SLC1A2: variants seen among roughly 807,000 people sequenced by gnomAD.
The protein encoded by SLC1A2 is solute carrier family 1 member 2.
A neutral mutation model predicts 48.8 loss-of-function variants in SLC1A2; 15 were observed. The ratio of observed to expected loss-of-function variants is 0.31; its 90% CI spans 0.21 to 0.47. The LOEUF (loss-of-function observed/expected upper bound fraction) is 0.47. Ranked by LOEUF, SLC1A2 falls within the 20% of genes least tolerant of loss-of-function variation. SLC1A2 has a pLI of 0.99. For missense variants in SLC1A2, 502 were observed against 730.5 expected, an observed-to-expected ratio of 0.69 and a Z score of 3.61; for synonymous variants, 279 against 272.6, an observed-to-expected ratio of 1.02 and a Z score of -0.23.
intron 1 of SLC1A2, among the ~76,000 whole-genome samples, chr11:35,343,234 T>G (rs895340575): frequency 1.3e-5 from 2 of 152,358 alleles, no homozygotes. Context: ...AAAAACAGGA[T>G]GTGGGACAAG....
intron 1 of SLC1A2, among the ~76,000 whole-genome samples, chr11:35,400,071 G>A (rs1855090401): frequency 1.3e-5 from 2 of 152,166 alleles, no homozygotes; most frequent in Admixed American, 1.3e-4. Context: ...AAAGACAACT[G>A]CATTGGAGAA....
At chr11:35,308,962 C>T (rs975806475) in intron 4 of SLC1A2, among the ~76,000 whole-genome samples, 3 of 152,186 alleles carry the variant, frequency 2.0e-5, no homozygotes, top group African/African-American at 2.4e-5. Context: ...AGTTTACCTT[C>T]CTCCACTCAC....
chr11:35,288,350 CAT>C (rs1850892158), intron 7 of SLC1A2, among the ~76,000 whole-genome samples: 1 of 152,178 alleles, frequency 6.6e-6, no homozygotes, highest in South Asian at 2.1e-4. Context: ...GGGGACATCT[CAT>C]AACTAAAATC....
rs756472380 is a variant in SLC1A2, at chr11:35,252,748, A to G, written c.*8146T>C. On this transcript the variant is annotated 3_prime_UTR_variant, in exon 11 of 11. Coordinates refer to ENST00000278379, the MANE Select transcript of SLC1A2 (RefSeq NM_004171.4). Reference sequence around the variant, plus strand: ...TACTGCATTTAGATGAATAGCCAAAAATAACATATACATTTAAATTACAAT... The same window carrying G: ...TACTGCATTTAGATGAATAGCCAAAGATAACATATACATTTAAATTACAAT... 2.0e-5 allele frequency: 3 copies of G among 152,648 alleles called. No homozygotes were observed. The highest frequency in any genetic ancestry group is 4.4e-5 in the Non-Finnish European group (3 of 68,034). The allele number at this position is 152,648 out of a possible 1,614,324, so 9.5% of individuals were successfully genotyped here.
intron 9 of SLC1A2, among the ~76,000 whole-genome samples, chr11:35,278,001 C>G (rs1850496692): frequency 6.6e-6 from 1 of 152,168 alleles, no homozygotes; most frequent in African/African-American, 2.4e-5. Flanking sequence ...CTTGTCTGAA[C>G]AGATGTCATG....
chr11:35,402,223 C>T (rs1400568034), intron 1 of SLC1A2, among the ~76,000 whole-genome samples: 1 of 152,094 alleles, frequency 6.6e-6, no homozygotes, highest in Non-Finnish European at 1.5e-5. Context: ...GACTGCTCAC[C>T]AGAAAGACTA....
At chr11:35,363,119 C>A (rs577836619) in intron 1 of SLC1A2, among the ~76,000 whole-genome samples, 41 of 152,278 alleles carry the variant, frequency 2.7e-4, no homozygotes, top group Admixed American at 2.5e-3. Flanking sequence ...TATTGCACAC[C>A]CTGCCTCTCA....
chr11:35,271,829 C>T (rs532639607), intron 9 of SLC1A2, among the ~76,000 whole-genome samples: 3 of 152,142 alleles, frequency 2.0e-5, no homozygotes, highest in South Asian at 2.1e-4. Flanking sequence ...GGCAACAGAG[C>T]GAGACTCCAT....
chr11:35,265,544 T>C lies in SLC1A2; in HGVS notation c.1636A>G (p.Ile546Val), dbSNP rs776242703. Residue 546 changes from isoleucine (I) to valine (V), a missense_variant, in exon 10 of 11, where the codon ATA becomes GTA. Ile to Val is a conservative substitution (Grantham distance 29). Around this residue, in one of 4 missense-constraint regions of SLC1A2, gnomAD observed 102 missense variants for 107.2 expected, o/e 0.95. Transcript: ENST00000278379. ...AAATGTACCTTGCATTCATCTACTATGACAGAGTTGTGTGCAGCATAGACA... is the reference window on the plus strand; with the variant it reads ...AAATGTACCTTGCATTCATCTACTACGACAGAGTTGTGTGCAGCATAGACA... ...QCVYAAHNSV[I>V]VDECKVTLAA... 6.3e-7 allele frequency: 1 copy of C among 1,584,048 alleles called. No homozygotes were observed. Among genetic ancestry groups the C allele is most frequent in the South Asian group, 1.1e-5 (1 of 90,444 alleles).
At chr11:35,324,263 T>C (rs1852167621) in intron 1 of SLC1A2, among the ~76,000 whole-genome samples, 1 of 152,138 alleles carries the variant, frequency 6.6e-6, no homozygotes, top group African/African-American at 2.4e-5. Context: ...AAAGTTGTAT[T>C]TGTTTGGCTC....
At position 35,284,320 on chromosome 11, in the gene SLC1A2, G is replaced by A. The variant is rs546382640; in HGVS notation, c.1286+2437C>T. Among the ~76,000 whole-genome samples the A allele has an allele frequency of 3.3e-5, 5 of 152,038 alleles. No individual in the cohort carries two copies. In the South Asian group the frequency reaches 1.0e-3, roughly 32 times the overall value. On this transcript the variant is annotated intron_variant, in intron 8 of 10. Coordinates refer to ENST00000278379, the MANE Select transcript of SLC1A2 (RefSeq NM_004171.4). ...AACCCAATATCTACTTTGTAGGGCT[G>A]TTTCTAGGATCACAAGTTAAATAAA...
rs139183030 is a variant in SLC1A2, at chr11:35,342,193, C to T, written c.18-24677G>A. On this transcript the variant is annotated intron_variant, in intron 1 of 10. Transcript: ENST00000278379. ...TTTAAAATAATGCATATAAATGTAT[C>T]ATGCTGTACAATTAAAACTACTTTT... 2.2e-3 allele frequency among the ~76,000 whole-genome samples: 340 copies of T among 152,284 alleles called. 5 individuals are homozygous for T. The highest frequency in any genetic ancestry group is 2.6e-3 in the Non-Finnish European group (176 of 68,024).
intron 8 of SLC1A2, among the ~76,000 whole-genome samples, chr11:35,282,843 G>C (rs1002320820): frequency 6.6e-6 from 1 of 152,140 alleles, no homozygotes; most frequent in Non-Finnish European, 1.5e-5. Flanking sequence ...TTCCCCTCTT[G>C]TCCCTAATAA....
intron 8 of SLC1A2, among the ~76,000 whole-genome samples, chr11:35,282,762 T>C (rs747972793): frequency 3.3e-5 from 5 of 152,234 alleles, no homozygotes; most frequent in Non-Finnish European, 7.3e-5. Flanking sequence ...TGGTTAACAT[T>C]AACATTATCT....
At chr11:35,328,142 T>A (rs1432808347) in intron 1 of SLC1A2, among the ~76,000 whole-genome samples, 1 of 152,102 alleles carries the variant, frequency 6.6e-6, no homozygotes, top group Non-Finnish European at 1.5e-5. Flanking sequence ...AGATGTACCA[T>A]CATAAGAAAA....
intron 1 of SLC1A2, among the ~76,000 whole-genome samples, chr11:35,362,604 G>A (rs1476540385): frequency 8.5e-5 from 13 of 152,204 alleles, no homozygotes; most frequent in Admixed American, 7.8e-4. Context: ...ACATGTGAAA[G>A]TGCCTGGAAT....
At chr11:35,361,460 A>G (rs561640052) in intron 1 of SLC1A2, among the ~76,000 whole-genome samples, 1 of 152,312 alleles carries the variant, frequency 6.6e-6, no homozygotes, top group African/African-American at 2.4e-5. Context: ...GCTCCCTAAC[A>G]TAGCACACAG....
At chr11:35,352,907 G>C (rs1853315485) in intron 1 of SLC1A2, among the ~76,000 whole-genome samples, 1 of 152,196 alleles carries the variant, frequency 6.6e-6, no homozygotes, top group African/African-American at 2.4e-5. Flanking sequence ...TGCCTGGGCA[G>C]CAGAGATGGC....
chr11:35,281,360 T>G (rs777199370), intron 8 of SLC1A2, among the ~76,000 whole-genome samples: 7 of 152,156 alleles, frequency 4.6e-5, no homozygotes, highest in Non-Finnish European at 7.3e-5. Context: ...AATCCTCCCA[T>G]GGGAACACAA....
Sources: gnomAD v4.1 joint callset for allele counts (sites outside exome capture counted in the v4.1 genomes callset) on GRCh38, gnomAD v4.1.1 for gene constraint, gnomAD v4.1.1 regional missense constraint, MANE v1.5 for transcripts, NCBI Gene and HGNC (gene_info 2026-07-23, HGNC 2026-07-21) for gene names.